The following INO80 variants were observed in gnomAD, a reference collection of about 807,000 sequenced individuals.
INO80 encodes the protein chromatin-remodeling ATPase INO80.
Under a neutral mutation model 203.4 loss-of-function variants are expected in INO80, and 20 were observed. The ratio of observed to expected loss-of-function variants is 0.10; its 90% CI spans 0.07 to 0.14. The LOEUF is 0.14. INO80 is among the 10% of genes least tolerant of loss of function. The pLI is 1.00. For synonymous variants in INO80, 726 were observed against 685.2 expected, an observed-to-expected ratio of 1.06 and a Z score of -0.93; for missense variants, 1,419 against 1,914.4, an observed-to-expected ratio of 0.74 and a Z score of 4.83.
chr15:41,109,786 G>C (rs28402335), intron 1 of INO80, among the ~76,000 whole-genome samples: 2 of 152,016 alleles, frequency 1.3e-5, no homozygotes, highest in African/African-American at 4.8e-5. Context: ...ATGAAAATTA[G>C]CCAGGCATGG....
At chr15:41,037,799 T>C (rs1239803361) in intron 24 of INO80, among the ~76,000 whole-genome samples, 1 of 151,068 alleles carries the variant, frequency 6.6e-6, no homozygotes, top group African/African-American at 2.4e-5. Flanking sequence ...AAAAATTAGC[T>C]TGGAGTGGTG....
chr15:41,048,148 CA>C, intron 22 of INO80, 63 bp downstream of exon 22: 1 of 1,270,062 alleles, frequency 7.9e-7, no homozygotes, highest in Non-Finnish European at 1.1e-6. Context: ...AGTCTCTCAG[CA>C]AAACAAAGAG....
intron 28 of INO80, among the ~76,000 whole-genome samples, chr15:41,003,277 G>A (rs902938639): frequency 1.3e-5 from 2 of 151,042 alleles, no homozygotes; most frequent in Non-Finnish European, 2.9e-5. Context: ...TTAAAGACTA[G>A]AGGATATACC....
chr15:41,025,214 G>C (rs567450908), intron 25 of INO80, among the ~76,000 whole-genome samples: 11 of 152,182 alleles, frequency 7.2e-5, no homozygotes, highest in Non-Finnish European at 8.8e-5. Flanking sequence ...GCAGCAGCAG[G>C]CATGGTAGCT....
At chr15:41,105,543 AGT>A (rs2045868808) in intron 1 of INO80, among the ~76,000 whole-genome samples, 1 of 152,208 alleles carries the variant, frequency 6.6e-6, no homozygotes, top group Admixed American at 6.6e-5. Context: ...GAATCCAAGA[AGT>A]GTGACTTCAA....
Position 41,085,230 on chromosome 15 carries a change from A to C in INO80, c.873+139T>G, listed in dbSNP as rs1209811434. The stretch of plus-strand genomic sequence containing the variant: ...ACTGTTAACTGAAAGAGTACTACTC[A>C]GCATTTTCTTGATTCCAACAGATTA... On this transcript the variant is annotated intron_variant, in intron 7 of 35. Transcript: ENST00000648947. 5 of 732,724 alleles carry C rather than the reference A, an allele frequency of 6.8e-6. No homozygotes were observed. In the South Asian group the frequency reaches 7.1e-5, roughly 10 times the overall value. The allele number at this position is 732,724 out of a possible 1,614,324, so 45.4% of individuals were successfully genotyped here.
At chr15:40,983,967 G>A (rs777169252) in intron 33 of INO80, 46 bp from the exon 34 acceptor site, 21 of 1,591,678 alleles carry the variant, frequency 1.3e-5, no homozygotes, top group African/African-American at 9.4e-5. Context: ...TGTGCTCACC[G>A]CCCATGGCCT....
intron 24 of INO80, among the ~76,000 whole-genome samples, chr15:41,035,572 A>G (rs2044557932): frequency 6.6e-6 from 1 of 151,770 alleles, no homozygotes; most frequent in Non-Finnish European, 1.5e-5. Flanking sequence ...CTGTAATCCC[A>G]GCACTTTGAG....
intron 9 of INO80, among the ~76,000 whole-genome samples, chr15:41,078,075 T>C (rs960965678): frequency 6.6e-6 from 1 of 151,912 alleles, no homozygotes; most frequent in African/African-American, 2.4e-5. Flanking sequence ...AATTTTTGTA[T>C]TTTTAGTAGA....
intron 1 of INO80, among the ~76,000 whole-genome samples, chr15:41,099,270 A>AAAAAC (rs2045771876): frequency 1.6e-5 from 2 of 124,480 alleles, no homozygotes; most frequent in African/African-American, 3.0e-5. Context: ...AAAAAAAACA[A>AAAAAC]ACACACACAC....
chr15:41,013,250 C>T (rs1045168765), intron 27 of INO80: 3 of 152,096 alleles, frequency 2.0e-5, no homozygotes, highest in Non-Finnish European at 2.9e-5. Context: ...AGAGGGTATA[C>T]GATTTCAAGA....
At chr15:41,076,279 T>A (rs1407817041) in intron 9 of INO80, among the ~76,000 whole-genome samples, 1 of 151,996 alleles carries the variant, frequency 6.6e-6, no homozygotes, top group African/African-American at 2.4e-5. Flanking sequence ...GAGAATCGCT[T>A]GAACCCAGGA....
At chr15:41,045,535 T>C (rs1436482148) in intron 23 of INO80, among the ~76,000 whole-genome samples, 3 of 146,892 alleles carry the variant, frequency 2.0e-5, no homozygotes, top group African/African-American at 5.2e-5. Context: ...TGAGCCGAGA[T>C]TGCCCCATTG....
At chr15:41,110,188 A>C (rs1444276506) in intron 1 of INO80, among the ~76,000 whole-genome samples, 1 of 151,434 alleles carries the variant, frequency 6.6e-6, no homozygotes, top group Admixed American at 6.6e-5. Context: ...CTCTGTCGCC[A>C]GGCTGGAGTG....
chr15:41,087,705 T>C (rs1391614886), intron 5 of INO80, 23 bp from the exon 6 acceptor site: 1 of 1,601,312 alleles, frequency 6.2e-7, no homozygotes, highest in Non-Finnish European at 8.5e-7. Context: ...AAGACCATGA[T>C]GGGCCTGTTT....
At chr15:41,090,519 T>C (rs753217480) in intron 5 of INO80, among the ~76,000 whole-genome samples, 1 of 152,034 alleles carries the variant, frequency 6.6e-6, no homozygotes. Context: ...GAGGCTGCAG[T>C]GAGCCAAGAT....
At chr15:41,054,120 G>C in intron 18 of INO80, 106 bp from the exon 19 acceptor site, 1 of 807,872 alleles carries the variant, frequency 1.2e-6, no homozygotes, top group Non-Finnish European at 1.9e-6. Flanking sequence ...AACTCCTTTG[G>C]CTCAATGATT....
Position 40,980,196 on chromosome 15 carries a change from T to A in INO80, c.*27A>T. The stretch of plus-strand genomic sequence containing the variant: ...GGTCAGGACTCTAGCCCTGGTTTGG[T>A]TGAAGGAAGTCGGAGGGCCCAGATG... On this transcript the variant is annotated 3_prime_UTR_variant, in exon 36 of 36. Transcript: ENST00000648947. 6.3e-7 allele frequency: 1 copy of A among 1,594,942 alleles called. No homozygotes were observed. The highest frequency in any genetic ancestry group is 8.6e-7 in the Non-Finnish European group (1 of 1,164,312).
chr15:41,079,193 T>A (rs928046577), intron 9 of INO80, among the ~76,000 whole-genome samples: 4 of 152,080 alleles, frequency 2.6e-5, no homozygotes, highest in Admixed American at 2.0e-4. Context: ...CTTAGAAAAC[T>A]GGGCTCATTG....
Sources: allele counts gnomAD v4.1 joint callset (sites outside exome capture counted in the v4.1 genomes callset), GRCh38; gene constraint gnomAD v4.1.1; transcripts MANE v1.5; gene names NCBI Gene and HGNC (gene_info 2026-07-23, HGNC 2026-07-21).